The following PTPRD variants were observed in gnomAD, a reference collection of about 807,000 sequenced individuals.
PTPRD encodes the protein protein tyrosine phosphatase receptor type D.
Under a neutral mutation model 214.5 loss-of-function variants are expected in PTPRD, and 34 were observed. The ratio of observed to expected loss-of-function variants is 0.16; its 90% CI spans 0.12 to 0.21. The LOEUF (loss-of-function observed/expected upper bound fraction) is 0.21, where lower values mean the gene tolerates loss of function less well. Among genes scored for constraint, PTPRD ranks in the 10% least tolerant of loss-of-function variants. The probability of loss-of-function intolerance (pLI) is 1.00; values close to 1 mark genes in which losing one functional copy is unlikely to be tolerated. For synonymous variants in PTPRD, 1,128 were observed against 845.7 expected (o/e 1.33, Z -5.79); for missense variants, 2,545 against 2,398.7 (o/e 1.06, Z -1.27).
chr9:8,637,273 A>G (rs2096464766), intron 12 of PTPRD, among the ~76,000 whole-genome samples: 4 of 152,216 alleles, frequency 2.6e-5, no homozygotes, highest in Admixed American at 1.3e-4. Context: ...CTGAGCTATT[A>G]AAATTAGTGA....
intron 11 of PTPRD, among the ~76,000 whole-genome samples, chr9:8,777,908 T>C (rs1223704293): frequency 6.6e-6 from 1 of 152,188 alleles, no homozygotes; most frequent in Non-Finnish European, 1.5e-5. Context: ...AAAAACATCC[T>C]CTATACAACA....
At chr9:8,746,264 C>T (rs771487610) in intron 11 of PTPRD, among the ~76,000 whole-genome samples, 4 of 152,060 alleles carry the variant, frequency 2.6e-5, no homozygotes, top group East Asian at 1.9e-4. Context: ...CTGAGGGCAA[C>T]ATGGCCATAT....
At chr9:9,032,605 G>A (rs546504572) in intron 10 of PTPRD, among the ~76,000 whole-genome samples, 1 of 80,684 alleles carries the variant, frequency 1.2e-5, no homozygotes, top group South Asian at 6.2e-4. Context: ...ATAGAGGTGA[G>A]AAATTGGTGC....
intron 5 of PTPRD, among the ~76,000 whole-genome samples, chr9:9,909,973 A>G (rs1464222954): frequency 6.6e-6 from 1 of 152,002 alleles, no homozygotes; most frequent in Non-Finnish European, 1.5e-5. Context: ...TCATCCTATC[A>G]GTTAGAGAAA....
chr9:9,525,907 C>G (rs930704930), intron 8 of PTPRD, among the ~76,000 whole-genome samples: 11 of 151,512 alleles, frequency 7.3e-5, no homozygotes, highest in African/African-American at 2.7e-4. Context: ...TCACCTAAGT[C>G]AACATAAAAA....
At chr9:9,752,826 G>T (rs1266888240) in intron 6 of PTPRD, among the ~76,000 whole-genome samples, 1 of 151,992 alleles carries the variant, frequency 6.6e-6, no homozygotes, top group African/African-American at 2.4e-5. Flanking sequence ...AGTCATTAAA[G>T]CCCTAAATGG....
intron 5 of PTPRD, among the ~76,000 whole-genome samples, chr9:9,776,934 G>A (rs527567685): frequency 8.5e-5 from 13 of 152,084 alleles, no homozygotes; most frequent in African/African-American, 3.1e-4. Context: ...TGTCCTCTGG[G>A]TTGAAAGGCA....
intron 2 of PTPRD, among the ~76,000 whole-genome samples, chr9:10,369,450 G>C (rs1265990364): frequency 6.6e-6 from 1 of 152,004 alleles, no homozygotes; most frequent in Non-Finnish European, 1.5e-5. Context: ...GAAAGTAGGT[G>C]AGACAGCTGA....
At chr9:9,336,548 T>C (rs948955130) in intron 9 of PTPRD, among the ~76,000 whole-genome samples, 22 of 152,154 alleles carry the variant, frequency 1.4e-4, no homozygotes, top group African/African-American at 5.3e-4. Context: ...AAGTTCATTA[T>C]TTCAACCCAT....
intron 34 of PTPRD, among the ~76,000 whole-genome samples, chr9:8,443,987 G>C (rs796446419): frequency 6.6e-6 from 1 of 152,162 alleles, no homozygotes; most frequent in Non-Finnish European, 1.5e-5. Context: ...CCATGGGCCA[G>C]AGGGTGTCAA....
At chr9:9,948,565 C>G (rs2093077777) in intron 4 of PTPRD, among the ~76,000 whole-genome samples, 2 of 152,178 alleles carry the variant, frequency 1.3e-5, no homozygotes, top group South Asian at 4.1e-4. Context: ...TTAGCCTCAA[C>G]TCTTTAGTGA....
At chr9:10,027,106 A>G (rs1197170352) in intron 4 of PTPRD, among the ~76,000 whole-genome samples, 1 of 152,232 alleles carries the variant, frequency 6.6e-6, no homozygotes, top group Non-Finnish European at 1.5e-5. Context: ...GGCCATTGAT[A>G]GGAATTAGAG....
At chr9:8,856,548 T>C (rs936602274) in intron 11 of PTPRD, among the ~76,000 whole-genome samples, 6 of 152,006 alleles carry the variant, frequency 3.9e-5, no homozygotes, top group African/African-American at 1.4e-4. Context: ...TAAATATATA[T>C]ATATAACTTT....
chr9:8,749,669 T>C (rs550446488), intron 11 of PTPRD, among the ~76,000 whole-genome samples: 8 of 152,328 alleles, frequency 5.3e-5, no homozygotes, highest in African/African-American at 1.9e-4. Flanking sequence ...TTGTAAACCA[T>C]CTACATTAAA....
intron 8 of PTPRD, among the ~76,000 whole-genome samples, chr9:9,457,392 T>A (rs1208632161): frequency 1.3e-5 from 2 of 152,024 alleles, no homozygotes; most frequent in Admixed American, 1.3e-4. Flanking sequence ...CCTATTTGAC[T>A]AAGTATAAGA....
intron 5 of PTPRD, among the ~76,000 whole-genome samples, chr9:9,789,790 CTGTCTCAAAAAAAAAA>C (rs1197980680): frequency 5.4e-4 from 39 of 71,770 alleles, no homozygotes; most frequent in South Asian, 8.6e-4. Context: ...GAGCCAAACT[CTGTCTCAAAAAAAAAA>C]AAAAAAAAAA....
chr9:9,182,419 C>T (rs1269156697), intron 10 of PTPRD, among the ~76,000 whole-genome samples: 1 of 151,944 alleles, frequency 6.6e-6, no homozygotes, highest in Non-Finnish European at 1.5e-5. Flanking sequence ...ACCTCACAGA[C>T]TTTATTTAGA....
At chr9:8,809,350 A>G (rs187188926) in intron 11 of PTPRD, among the ~76,000 whole-genome samples, 1 of 152,136 alleles carries the variant, frequency 6.6e-6, no homozygotes, top group African/African-American at 2.4e-5. Context: ...CCAGGGTAGA[A>G]ATTGGCATCT....
chr9:9,813,267 C>A (rs1387981305), intron 5 of PTPRD, among the ~76,000 whole-genome samples: 1 of 151,702 alleles, frequency 6.6e-6, no homozygotes, highest in East Asian at 1.9e-4. Flanking sequence ...TAAATAAACC[C>A]AGAATTAGCA....
Sources: allele counts gnomAD v4.1 joint callset (sites outside exome capture counted in the v4.1 genomes callset), GRCh38; gene constraint gnomAD v4.1.1; transcripts MANE v1.5; gene names NCBI Gene and HGNC (gene_info 2026-07-23, HGNC 2026-07-21).